SDK1: variants seen among roughly 807,000 people sequenced by gnomAD.
The protein encoded by SDK1 is sidekick cell adhesion molecule 1, also known as protein sidekick-1.
Under a neutral mutation model 245.5 loss-of-function variants are expected in SDK1, and 157 were observed. The observed-to-expected ratio is 0.64, with a 90% confidence interval of 0.56 to 0.73. The LOEUF (loss-of-function observed/expected upper bound fraction) is 0.73. Among genes scored for constraint, SDK1 ranks in the 30% least tolerant of loss-of-function variants. The probability of loss-of-function intolerance (pLI) is 0.00; values close to 1 mark genes in which losing one functional copy is unlikely to be tolerated. For synonymous variants in SDK1, 1,647 were observed against 1,278.5 expected, an observed-to-expected ratio of 1.29 and a Z score of -6.15; for missense variants, 3,583 against 3,002.3, an observed-to-expected ratio of 1.19 and a Z score of -4.52.
intron 4 of SDK1, among the ~76,000 whole-genome samples, chr7:3,782,162 G>T (rs538186866): frequency 2.6e-5 from 4 of 152,186 alleles, no homozygotes; most frequent in Admixed American, 1.3e-4. Flanking sequence ...GAAGCATGGT[G>T]CCAGCATGTG....
At chr7:3,836,146 CTGAA>C (rs1312275502) in intron 5 of SDK1, among the ~76,000 whole-genome samples, 1 of 152,192 alleles carries the variant, frequency 6.6e-6, no homozygotes, top group Non-Finnish European at 1.5e-5. Context: ...TGTGGGCAAA[CTGAA>C]TGAGCCACGT....
At chr7:4,234,583 C>A (rs749963515) in intron 41 of SDK1, among the ~76,000 whole-genome samples, 1 of 152,074 alleles carries the variant, frequency 6.6e-6, no homozygotes, top group Non-Finnish European at 1.5e-5. Flanking sequence ...GAGGGAGGGC[C>A]GGCAAAGCTG....
In SDK1 at chr7:4,233,400, C is replaced by T. The variant is rs200520182; in HGVS notation, c.5973C>T (p.Asn1991=). Residue 1991 remains asparagine, a synonymous_variant, in exon 41 of 45, where the codon AAC becomes AAT. Transcript: ENST00000404826. ...VNEAGYGEPS[N]PSTAVSAQVE... ...AGGCGGGCTACGGGGAGCCCAGCAA[C>T]CCCTCCACGGCTGTGTCAGGTAGGC... The T allele has an allele frequency of 3.7e-6, 6 of 1,612,804 alleles. No individual in the cohort carries two copies. The highest frequency in any genetic ancestry group is 5.1e-6 in the Non-Finnish European group (6 of 1,179,982).
At chr7:3,785,288 A>G (rs976469704) in intron 4 of SDK1, among the ~76,000 whole-genome samples, 1 of 152,146 alleles carries the variant, frequency 6.6e-6, no homozygotes, top group Admixed American at 6.5e-5. Flanking sequence ...AGCATGGTGA[A>G]TATAGTTAAT....
intron 4 of SDK1, among the ~76,000 whole-genome samples, chr7:3,734,403 C>G (rs1295548616): frequency 6.6e-6 from 1 of 152,140 alleles, no homozygotes; most frequent in Non-Finnish European, 1.5e-5. Context: ...ACTTCTACCC[C>G]AAATTAATAA....
At chr7:3,344,331 C>G (rs117283774) in intron 1 of SDK1, among the ~76,000 whole-genome samples, 3,428 of 152,314 alleles carry the variant, frequency 0.023, 79 homozygotes, top group Non-Finnish European at 0.035. Flanking sequence ...TGTCGTGCAT[C>G]TAGTCTCCAC....
Position 3,813,065 on chromosome 7 carries a change from A to G in SDK1, c.714-8385A>G, listed in dbSNP as rs565022028. On this transcript the variant is annotated intron_variant, in intron 4 of 44. Transcript: ENST00000404826. ...ACATGTACTGAGCATTCAGGGACTC[A>G]TTAGTGCCAAAACTACTTGAAAGCA... Among the ~76,000 whole-genome samples the G allele has an allele frequency of 3.3e-5, 5 of 152,348 alleles. No homozygotes were observed. In the Middle Eastern group the frequency reaches 0.017, roughly 518 times the overall value.
chr7:4,173,218 C>T (rs1781964207), intron 32 of SDK1, among the ~76,000 whole-genome samples: 2 of 152,202 alleles, frequency 1.3e-5, no homozygotes, highest in African/African-American at 4.8e-5. Context: ...GTTCCTTATC[C>T]CTCATCTGAG....
At chr7:3,536,538 AC>A (rs889555262) in intron 1 of SDK1, among the ~76,000 whole-genome samples, 1 of 151,944 alleles carries the variant, frequency 6.6e-6, no homozygotes, top group Non-Finnish European at 1.5e-5. Context: ...AAAAAACCCC[AC>A]AAAAATTAGC....
intron 1 of SDK1, among the ~76,000 whole-genome samples, chr7:3,423,797 G>C (rs910194066): frequency 1.3e-5 from 2 of 151,952 alleles, no homozygotes; most frequent in African/African-American, 4.8e-5. Context: ...ATTCAACCTT[G>C]TAAAATTTTT....
intron 4 of SDK1, among the ~76,000 whole-genome samples, chr7:3,770,957 C>T (rs1047392292): frequency 1.7e-4 from 26 of 152,300 alleles, no homozygotes; most frequent in Middle Eastern, 3.4e-3. Context: ...AGTTTTCCTG[C>T]TTATTCACAA....
rs563014325 is a variant in SDK1 at position 3,666,252 on chromosome 7, G to A, written c.713+24147G>A. ...CCTGGCCTTGTGCCGCCTGCATCTG[G>A]CCTTGTCTGTCGGGCTTGTTTCTCC... On this transcript the variant is annotated intron_variant, in intron 4 of 44. Coordinates refer to ENST00000404826, the MANE Select transcript of SDK1 (RefSeq NM_152744.4). Among the ~76,000 whole-genome samples the A allele has an allele frequency of 3.3e-5, 5 of 152,272 alleles. No homozygotes were observed. In the South Asian group the frequency reaches 6.2e-4, roughly 19 times the overall value.
At chr7:3,854,935 G>A (rs554450106) in intron 5 of SDK1, among the ~76,000 whole-genome samples, 2 of 152,282 alleles carry the variant, frequency 1.3e-5, no homozygotes, top group Admixed American at 6.5e-5. Flanking sequence ...AGAGCAGGGT[G>A]GACCCAGGTG....
intron 1 of SDK1, among the ~76,000 whole-genome samples, chr7:3,546,846 A>G (rs1357533112): frequency 6.6e-6 from 1 of 152,158 alleles, no homozygotes; most frequent in Admixed American, 6.5e-5. Context: ...AGAGTTTATG[A>G]AGTTAAGAGT....
At chr7:3,755,968 C>T (rs928107611) in intron 4 of SDK1, among the ~76,000 whole-genome samples, 1 of 151,910 alleles carries the variant, frequency 6.6e-6, no homozygotes, top group Non-Finnish European at 1.5e-5. Flanking sequence ...TTTCACATGG[C>T]ATAGCACGTG....
At chr7:3,589,221 C>G (rs1325480486) in intron 1 of SDK1, among the ~76,000 whole-genome samples, 1 of 151,978 alleles carries the variant, frequency 6.6e-6, no homozygotes, top group Admixed American at 6.6e-5. Context: ...ACAGTTGGTG[C>G]GGACTCTTTG....
At chr7:3,670,681 C>T (rs1309925666) in intron 4 of SDK1, among the ~76,000 whole-genome samples, 1 of 152,184 alleles carries the variant, frequency 6.6e-6, no homozygotes, top group Non-Finnish European at 1.5e-5. Flanking sequence ...TCTCGTTGCT[C>T]TCCCCACTTA....
intron 4 of SDK1, among the ~76,000 whole-genome samples, chr7:3,727,998 G>T (rs1412646813): frequency 1.3e-5 from 2 of 152,100 alleles, no homozygotes; most frequent in Non-Finnish European, 2.9e-5. Context: ...TGATGATCTT[G>T]ACAGTTTGAA....
chr7:3,975,077 A>G (rs1339921815), intron 13 of SDK1, among the ~76,000 whole-genome samples: 1 of 152,018 alleles, frequency 6.6e-6, no homozygotes, highest in Non-Finnish European at 1.5e-5. Flanking sequence ...TCCAATCTGG[A>G]CCTTCCTGGG....
Sources: allele counts gnomAD v4.1 joint callset (sites outside exome capture counted in the v4.1 genomes callset), GRCh38; gene constraint gnomAD v4.1.1; transcripts MANE v1.5; gene names NCBI Gene and HGNC (gene_info 2026-07-23, HGNC 2026-07-21).